The following ZNF735 variants were observed in gnomAD, a reference collection of about 807,000 sequenced individuals.
ZNF735 encodes the protein zinc finger protein 735.
Under a neutral mutation model 13.4 loss-of-function variants are expected in ZNF735, and 11 were observed. The observed-to-expected ratio is 0.82, with a 90% confidence interval of 0.52 to 1.36. ZNF735 has a LOEUF of 1.36. Among genes scored for constraint, ZNF735 ranks in the 40% most tolerant of loss-of-function variants. The probability of loss-of-function intolerance (pLI) is 0.00; values close to 1 mark genes in which losing one functional copy is unlikely to be tolerated. For missense variants in ZNF735, 500 were observed against 484.6 expected, an observed-to-expected ratio of 1.03 and a Z score of -0.30; for synonymous variants, 171 against 162.6, an observed-to-expected ratio of 1.05 and a Z score of -0.39.
At chr7:64,216,152 C>T (rs1319699501) in intron 3 of ZNF735, among the ~76,000 whole-genome samples, 1 of 151,822 alleles carries the variant, frequency 6.6e-6, no homozygotes, top group Non-Finnish European at 1.5e-5. Context: ...AAAAATTAAC[C>T]AGGTGTAGTG....
chr7:64,209,775 A>G (rs1407231176), intron 1 of ZNF735, among the ~76,000 whole-genome samples: 1 of 152,086 alleles, frequency 6.6e-6, no homozygotes, highest in Non-Finnish European at 1.5e-5. Flanking sequence ...AGATCTTTCT[A>G]ACTTTTTGAT....
At chr7:64,218,408 T>C (rs1483471973) in intron 3 of ZNF735, among the ~76,000 whole-genome samples, 4 of 152,154 alleles carry the variant, frequency 2.6e-5, no homozygotes, top group Non-Finnish European at 5.9e-5. Flanking sequence ...TTTTTGTGTA[T>C]ATCCTAGTTT....
intron 1 of ZNF735, among the ~76,000 whole-genome samples, chr7:64,210,400 C>T (rs1051891793): frequency 1.3e-5 from 2 of 152,042 alleles, no homozygotes; most frequent in Admixed American, 6.6e-5. Flanking sequence ...TGCTTTCTCT[C>T]GCTAATGCTA....
chr7:64,208,249 T>TG (rs1344663706), intron 1 of ZNF735, among the ~76,000 whole-genome samples: 2 of 55,934 alleles, frequency 3.6e-5, no homozygotes, highest in Admixed American at 1.9e-4. Flanking sequence ...TAAATGTTTT[T>TG]TTTTTTTTTT....
intron 3 of ZNF735, among the ~76,000 whole-genome samples, chr7:64,214,466 A>C (rs2116484216): frequency 6.6e-6 from 1 of 152,242 alleles, no homozygotes. Flanking sequence ...TCTATGTTAA[A>C]CCATTTAAAA....
At chr7:64,213,890 T>A in intron 2 of ZNF735, 123 bp from the exon 3 acceptor site, 1 of 861,958 alleles carries the variant, frequency 1.2e-6, no homozygotes, top group East Asian at 4.0e-5. Flanking sequence ...ACCTGGGAAG[T>A]GGAGGTTGCA....
At chr7:64,210,207 A>C (rs1240335557) in intron 1 of ZNF735, among the ~76,000 whole-genome samples, 1 of 152,154 alleles carries the variant, frequency 6.6e-6, no homozygotes, top group African/African-American at 2.4e-5. Context: ...TTATTAGTAC[A>C]TGTGTGCAGG....
At chr7:64,216,939 T>C (rs1199359031) in intron 3 of ZNF735, among the ~76,000 whole-genome samples, 1 of 152,214 alleles carries the variant, frequency 6.6e-6, no homozygotes, top group Non-Finnish European at 1.5e-5. Context: ...TTATGTGTTC[T>C]AACAGAATGT....
At chr7:64,212,139 A>G (rs1787368262) in intron 1 of ZNF735, among the ~76,000 whole-genome samples, 1 of 152,162 alleles carries the variant, frequency 6.6e-6, no homozygotes, top group Non-Finnish European at 1.5e-5. Flanking sequence ...CGAAGTGCAT[A>G]AACGATCACA....
exon 3 of ZNF735, chr7:64,214,042 G>T (rs763484593): frequency 1.3e-6 from 2 of 1,599,040 alleles, no homozygotes; most frequent in South Asian, 2.2e-5. Flanking sequence ...AGACTTGATC[G>T]CCTGTCTGGA....
intron 3 of ZNF735, among the ~76,000 whole-genome samples, chr7:64,217,397 G>GTT (rs2116487519): frequency 1.3e-5 from 2 of 151,884 alleles, no homozygotes; most frequent in African/African-American, 4.8e-5. Flanking sequence ...CTATAGCATT[G>GTT]TTTTCTCAGG....
exon 4 of ZNF735, chr7:64,219,387 A>G (rs1787459153): frequency 2.5e-6 from 4 of 1,614,024 alleles, no homozygotes; most frequent in African/African-American, 2.7e-5. Flanking sequence ...AAGTAATACC[A>G]AGAACATATG....
At chr7:64,213,342 A>T in intron 2 of ZNF735, 124 bp downstream of exon 2, 1 of 979,890 alleles carries the variant, frequency 1.0e-6, no homozygotes, top group East Asian at 2.6e-5. Context: ...AATCTTGGGG[A>T]TTCATTGGTG....
At chr7:64,211,865 C>CTT (rs1348218073) in intron 1 of ZNF735, among the ~76,000 whole-genome samples, 2 of 104,218 alleles carry the variant, frequency 1.9e-5, no homozygotes, top group African/African-American at 7.4e-5. Flanking sequence ...GACTCCATCT[C>CTT]AAAAAAAAAA....
chr7:64,214,015 A>G (rs552790055), exon 3 of ZNF735: 474 of 1,596,108 alleles, frequency 3.0e-4, no homozygotes, highest in Non-Finnish European at 3.9e-4. Flanking sequence ...TAAAACAGGT[A>G]TGACTGTCTC....
exon 4 of ZNF735, chr7:64,220,210 G>T (rs1469003726): frequency 1.2e-6 from 2 of 1,612,902 alleles, no homozygotes; most frequent in South Asian, 2.2e-5. Context: ...TGAAGAATGT[G>T]ACAAAGCTTT....
At chr7:64,218,115 G>A (rs562067160) in intron 3 of ZNF735, among the ~76,000 whole-genome samples, 3 of 152,098 alleles carry the variant, frequency 2.0e-5, no homozygotes, top group East Asian at 3.9e-4. Context: ...CACATGCAGT[G>A]CTTATATGCT....
chr7:64,220,140 C>T (rs1787474822), exon 4 of ZNF735: 8 of 1,613,374 alleles, frequency 5.0e-6, no homozygotes, highest in Non-Finnish European at 5.9e-6. Flanking sequence ...GAACCTTTAA[C>T]TGCTCCTCAA....
At chr7:64,219,266 T>C (rs1220353709) in intron 3 of ZNF735, 48 bp from the exon 4 acceptor site, 1 of 1,582,454 alleles carries the variant, frequency 6.3e-7, no homozygotes, top group East Asian at 2.2e-5. Context: ...ACAGTATATT[T>C]ATCTGAGTCT....
Sources: allele counts gnomAD v4.1 joint callset (sites outside exome capture counted in the v4.1 genomes callset), GRCh38; gene constraint gnomAD v4.1.1; transcripts MANE v1.5; gene names NCBI Gene and HGNC (gene_info 2026-07-23, HGNC 2026-07-21).